LRRC38: variants seen among roughly 807,000 people sequenced by gnomAD.
LRRC38 encodes the protein leucine-rich repeat-containing protein 38.
Under a neutral mutation model 16.4 loss-of-function variants are expected in LRRC38, and 5 were observed. The ratio of observed to expected loss-of-function variants is 0.31; its 90% CI spans 0.16 to 0.64. The LOEUF (loss-of-function observed/expected upper bound fraction) is 0.64. LRRC38 is among the 30% of genes least tolerant of loss of function. The pLI is 0.80. For synonymous variants in LRRC38, 191 were observed against 190.2 expected, an observed-to-expected ratio of 1.00 and a Z score of -0.04; for missense variants, 341 against 401.8, an observed-to-expected ratio of 0.85 and a Z score of 1.29.
At chr1:13,480,657 A>G (rs1638841426) in intron 1 of LRRC38, among the ~76,000 whole-genome samples, 4 of 151,828 alleles carry the variant, frequency 2.6e-5, no homozygotes, top group Admixed American at 2.6e-4. Context: ...TCTCACTACC[A>G]TGATGTTTTT....
chr1:13,500,126 G>A (rs761326835), intron 1 of LRRC38, among the ~76,000 whole-genome samples: 13 of 151,812 alleles, frequency 8.6e-5, no homozygotes, highest in East Asian at 5.8e-4. Context: ...TAGCATGTGC[G>A]CGCCTATAAT....
At chr1:13,510,481 C>T (rs2100528519) in intron 1 of LRRC38, among the ~76,000 whole-genome samples, 2 of 152,290 alleles carry the variant, frequency 1.3e-5, no homozygotes, top group Middle Eastern at 6.8e-3. Flanking sequence ...TTTAATCCTC[C>T]TAACAAGCCT....
At position 13,507,933 on chromosome 1, in the gene LRRC38, T is replaced by TA. The variant is rs199692863; in HGVS notation, c.631+5029dup. ...GGCACCATTAATGCATTCAGGGGTT[T>TA]AAAAAAAAAGCATAGACTTGTCTGG... is the stretch of plus-strand genomic sequence containing the variant. On this transcript the variant is annotated intron_variant, in intron 1 of 1. Transcript: ENST00000376085. Among the ~76,000 whole-genome samples, 482 of 150,954 alleles carry TA rather than the reference T, an allele frequency of 3.2e-3. 2 individuals carry two copies. The highest frequency in any genetic ancestry group is 0.011 in the African/African-American group (442 of 41,128).
At chr1:13,508,758 T>C (rs1224963504) in intron 1 of LRRC38, among the ~76,000 whole-genome samples, 7 of 152,228 alleles carry the variant, frequency 4.6e-5, no homozygotes, top group Admixed American at 6.5e-5. Flanking sequence ...CAGTGTGACC[T>C]TCAGGCAAGC....
At chr1:13,489,634 G>A (rs139959512) in intron 1 of LRRC38, among the ~76,000 whole-genome samples, 3 of 152,102 alleles carry the variant, frequency 2.0e-5, no homozygotes, top group African/African-American at 7.2e-5. Flanking sequence ...GCTTCAAGCC[G>A]CAGAGAAATG....
At chr1:13,505,421 T>C (rs916373346) in intron 1 of LRRC38, among the ~76,000 whole-genome samples, 10 of 152,208 alleles carry the variant, frequency 6.6e-5, no homozygotes, top group African/African-American at 2.4e-4. Flanking sequence ...TATGCTTTGC[T>C]GACCCAAAGC....
chr1:13,489,519 C>A (rs558858053), intron 1 of LRRC38, among the ~76,000 whole-genome samples: 9 of 150,928 alleles, frequency 6.0e-5, no homozygotes, highest in Non-Finnish European at 1.2e-4. Context: ...TGGACTGGAA[C>A]CCAGGTCTCC....
chr1:13,495,168 G>A (rs1257282134), intron 1 of LRRC38, among the ~76,000 whole-genome samples: 1 of 152,194 alleles, frequency 6.6e-6, no homozygotes, highest in African/African-American at 2.4e-5. Flanking sequence ...ATTCACGAAG[G>A]AAAGAATGAG....
At chr1:13,486,021 C>A (rs1013795876) in intron 1 of LRRC38, among the ~76,000 whole-genome samples, 6 of 152,158 alleles carry the variant, frequency 3.9e-5, no homozygotes, top group African/African-American at 1.4e-4. Context: ...TCACTGCAAC[C>A]TCTGCCTCCC....
At position 13,475,966 on chromosome 1, in the gene LRRC38, A is replaced by C; in HGVS notation, c.765T>G (p.Gly255=). 6.4e-7 allele frequency: 1 copy of C among 1,550,612 alleles called. No homozygotes were observed. Among genetic ancestry groups the C allele is most frequent in the Non-Finnish European group, 8.7e-7 (1 of 1,147,002 alleles). ...TGATGGCCGCAATGGACACGGCCAC[A>C]CCGGAGAAAATGATGATGCAGAGGT... is the stretch of plus-strand genomic sequence containing the variant. ...LTDLCIIIFS[G]VAVSIAAIIS... Residue 255 remains glycine (G), a synonymous_variant, in exon 2 of 2, where the codon GGT becomes GGG. Transcript: ENST00000376085. The surrounding 1 kb of genome is among the most constrained non-coding windows in gnomAD (Gnocchi z 4.3).
At chr1:13,485,964 G>A (rs939320147) in intron 1 of LRRC38, among the ~76,000 whole-genome samples, 2 of 152,032 alleles carry the variant, frequency 1.3e-5, no homozygotes, top group East Asian at 3.9e-4. Context: ...ACGGAGTCTC[G>A]CTCTGTCACC....
At chr1:13,478,137 T>C (rs1638809909) in intron 1 of LRRC38, among the ~76,000 whole-genome samples, 1 of 152,198 alleles carries the variant, frequency 6.6e-6, no homozygotes, top group South Asian at 2.1e-4. Context: ...ATGACGACCA[T>C]GATTTTACAA....
chr1:13,492,184 C>T (rs540917647), intron 1 of LRRC38, among the ~76,000 whole-genome samples: 3 of 152,290 alleles, frequency 2.0e-5, no homozygotes, highest in African/African-American at 4.8e-5. Flanking sequence ...GACTACTCTA[C>T]GTACTGCGTA....
chr1:13,487,937 C>T lies in LRRC38; in HGVS notation c.632-11838G>A, dbSNP rs1638956815. Among the ~76,000 whole-genome samples, 1 of 151,880 alleles carries T rather than the reference C, an allele frequency of 6.6e-6. No homozygotes were observed. The highest frequency in any genetic ancestry group is 2.4e-5 in the African/African-American group (1 of 41,384). On this transcript the variant is annotated intron_variant, in intron 1 of 1. Transcript: ENST00000376085. The surrounding 1 kb of genome is among the most constrained non-coding windows in gnomAD (Gnocchi z 4.4). Reference sequence around the variant, plus strand: ...TTATCTCCACATATTAGGCAAAGCTCACATATATACTGAGACAATAAAAAT... The same window carrying T: ...TTATCTCCACATATTAGGCAAAGCTTACATATATACTGAGACAATAAAAAT...
At chr1:13,488,798 G>C (rs1638973031) in intron 1 of LRRC38, among the ~76,000 whole-genome samples, 1 of 152,148 alleles carries the variant, frequency 6.6e-6, no homozygotes, top group African/African-American at 2.4e-5. Context: ...TCTGTGAACT[G>C]CCTGCCCAGG....
intron 1 of LRRC38, among the ~76,000 whole-genome samples, chr1:13,490,450 C>T (rs1029445425): frequency 3.3e-5 from 5 of 152,272 alleles, no homozygotes; most frequent in Middle Eastern, 3.4e-3. Flanking sequence ...TGAGCCACTG[C>T]GCCCAGCCTT....
chr1:13,488,049 T>TGG (rs1638960080), intron 1 of LRRC38, among the ~76,000 whole-genome samples: 174 of 151,968 alleles, frequency 1.1e-3, no homozygotes, highest in African/African-American at 4.0e-3. Context: ...TGTGTGTGTG[T>TGG]GTGTGTGTGT....
In LRRC38 at chr1:13,487,148, C is replaced by A. The variant is rs751453013; in HGVS notation, c.632-11049G>T. 5.3e-5 allele frequency among the ~76,000 whole-genome samples: 8 copies of A among 152,232 alleles called. No homozygotes were observed. Among genetic ancestry groups the A allele is most frequent in the Non-Finnish European group, 1.2e-4 (8 of 68,040 alleles). On this transcript the variant is annotated intron_variant, in intron 1 of 1. Coordinates refer to ENST00000376085, the MANE Select transcript of LRRC38 (RefSeq NM_001010847.2). This position sits in a 1 kb window ranked among gnomAD's most constrained non-coding sequence, Gnocchi z 4.4. ...CTCTTCAATTCTGTGAACTATCTGA[C>A]ATCCCTGCAACAAATTCCTTCCCTG...
At chr1:13,499,850 T>C (rs2100514022) in intron 1 of LRRC38, among the ~76,000 whole-genome samples, 1 of 152,248 alleles carries the variant, frequency 6.6e-6, no homozygotes, top group Middle Eastern at 3.4e-3. Flanking sequence ...CGTATGTGTA[T>C]TGTGAAAGGA....
Sources: gnomAD v4.1 joint callset for allele counts (sites outside exome capture counted in the v4.1 genomes callset) on GRCh38, gnomAD v4.1.1 for gene constraint, Gnocchi (gnomAD v3.1) non-coding constraint, MANE v1.5 for transcripts, NCBI Gene and HGNC (gene_info 2026-07-23, HGNC 2026-07-21) for gene names.